Variants in CCDC7 observed in about 807,000 individuals in gnomAD.
CCDC7 encodes coiled-coil domain-containing protein 7.
Under a neutral mutation model 196.9 loss-of-function variants are expected in CCDC7, and 183 were observed. The observed-to-expected ratio is 0.93, with a 90% CI of 0.82 to 1.05. The LOEUF is 1.05. CCDC7 is among the 50% of genes least tolerant of loss of function. The pLI is 0.00. For synonymous variants in CCDC7, 525 were observed against 484.6 expected (o/e 1.08, Z -1.10); for missense variants, 1,540 against 1,482.2 (o/e 1.04, Z -0.64).
chr10:32,584,583 C>A (rs1397226240), intron 18 of CCDC7, among the ~76,000 whole-genome samples: 1 of 151,122 alleles, frequency 6.6e-6, no homozygotes, highest in Non-Finnish European at 1.5e-5. Flanking sequence ...TGATGAAACC[C>A]TGTCTCTATT....
At chr10:32,667,278 C>T (rs1287367112) in intron 21 of CCDC7, among the ~76,000 whole-genome samples, 1 of 152,138 alleles carries the variant, frequency 6.6e-6, no homozygotes, top group Admixed American at 6.6e-5. Context: ...AGCCCTTTGT[C>T]AGATGAGTAG....
At chr10:32,834,657 GT>G in intron 32 of CCDC7, among the ~76,000 whole-genome samples, 157 bp from the exon 34 acceptor site, 1 of 128,980 alleles carries the variant, frequency 7.8e-6, no homozygotes, top group South Asian at 3.1e-4. Context: ...CTGCAGTCCA[GT>G]GCTTTTTTTT....
chr10:32,765,917 C>T (rs967987263), intron 28 of CCDC7, among the ~76,000 whole-genome samples: 2 of 151,988 alleles, frequency 1.3e-5, no homozygotes, highest in Non-Finnish European at 1.5e-5. Flanking sequence ...TTTCTTTTAG[C>T]TGGAAAGTCT....
chr10:32,553,374 T>C (rs2053812126), intron 13 of CCDC7, among the ~76,000 whole-genome samples: 1 of 152,192 alleles, frequency 6.6e-6, no homozygotes, highest in Non-Finnish European at 1.5e-5. Context: ...CTTTCTCTGG[T>C]GCCTCCCTTA....
At position 32,709,687 on chromosome 10, in the gene CCDC7, C is replaced by T. The variant is rs539406909; in HGVS notation, c.2459-1933C>T. Among the ~76,000 whole-genome samples the T allele has an allele frequency of 9.1e-4, 138 of 152,146 alleles. 1 individual carries two copies. Among genetic ancestry groups the T allele is most frequent in the African/African-American group, 2.9e-3 (120 of 41,500 alleles). On this transcript the variant is annotated intron_variant, in intron 24 of 41. Coordinates refer to ENST00000639629, the Ensembl canonical transcript of CCDC7. The stretch of plus-strand genomic sequence containing the variant: ...ACTGCTCACCTACTGCTGTGTGACC[C>T]GGTTTCTAACAGGCCAGAGACCAGT...
At chr10:32,444,967 C>G (rs1415105442), upstream of CCDC7, among the ~76,000 whole-genome samples, 1 of 151,908 alleles carries the variant, frequency 6.6e-6, no homozygotes, top group Non-Finnish European at 1.5e-5. Flanking sequence ...GATTCTCCTG[C>G]CTCAGCCTCC....
intron 39 of CCDC7, among the ~76,000 whole-genome samples, chr10:32,850,378 G>T (rs1367394195): frequency 6.6e-6 from 1 of 152,140 alleles, no homozygotes; most frequent in African/African-American, 2.4e-5. Context: ...AACTAGCTAG[G>T]AGTCTTCAAG....
At chr10:32,575,941 A>AT (rs1225173774) in intron 16 of CCDC7, among the ~76,000 whole-genome samples, 1 of 152,164 alleles carries the variant, frequency 6.6e-6, no homozygotes. Context: ...CAACATCCTA[A>AT]TAAGTTCACA....
At chr10:32,852,342 T>C (rs960211529) in intron 40 of CCDC7, among the ~76,000 whole-genome samples, 2 of 152,156 alleles carry the variant, frequency 1.3e-5, no homozygotes, top group African/African-American at 4.8e-5. Context: ...GTTTAGTTTT[T>C]CCCTTCCCTT....
chr10:32,680,570 T>C (rs2141015321), intron 21 of CCDC7, among the ~76,000 whole-genome samples: 1 of 152,238 alleles, frequency 6.6e-6, no homozygotes, highest in African/African-American at 2.4e-5. Flanking sequence ...CCTAATGCTG[T>C]CCCTCCCCCG....
At chr10:32,705,678 G>A (rs567741680) in intron 24 of CCDC7, among the ~76,000 whole-genome samples, 3 of 152,086 alleles carry the variant, frequency 2.0e-5, no homozygotes, top group South Asian at 2.1e-4. Context: ...CCTAGTCTCT[G>A]TTAAAACAGA....
intron 11 of CCDC7, among the ~76,000 whole-genome samples, chr10:32,542,130 T>A (rs555980949): frequency 1.3e-5 from 2 of 152,322 alleles, no homozygotes; most frequent in African/African-American, 4.8e-5. Flanking sequence ...CGTCCTAAAA[T>A]TTTTAATAAT....
intron 9 of CCDC7, 92 bp from the exon 11 acceptor site, chr10:32,517,853 T>C: frequency 7.0e-7 from 1 of 1,434,728 alleles, no homozygotes; most frequent in East Asian, 2.6e-5. Flanking sequence ...AATTACTGAA[T>C]ACCAAAAGAA....
intron 18 of CCDC7, among the ~76,000 whole-genome samples, chr10:32,631,847 C>T (rs193229560): frequency 4.6e-5 from 7 of 152,022 alleles, no homozygotes; most frequent in African/African-American, 1.2e-4. Context: ...TTTTAGTATA[C>T]AGGACTTTAT....
chr10:32,675,143 TTC>T (rs1326354082), intron 21 of CCDC7, among the ~76,000 whole-genome samples: 8 of 152,118 alleles, frequency 5.3e-5, no homozygotes, highest in Admixed American at 5.2e-4. Context: ...TTATATTGTT[TTC>T]TCTCTGTTTT....
chr10:32,687,110 A>G (rs1049584980), intron 22 of CCDC7, among the ~76,000 whole-genome samples: 4 of 152,218 alleles, frequency 2.6e-5, no homozygotes, highest in Non-Finnish European at 5.9e-5. Context: ...AGGTCATATC[A>G]GTGTTCTAAG....
At chr10:32,671,135 C>T (rs550880368) in intron 21 of CCDC7, among the ~76,000 whole-genome samples, 2 of 152,264 alleles carry the variant, frequency 1.3e-5, no homozygotes, top group South Asian at 4.1e-4. Flanking sequence ...ATTAAGTCTA[C>T]AGTAGTGCAC....
chr10:32,490,968 G>T (rs902307288), intron 8 of CCDC7, among the ~76,000 whole-genome samples: 12 of 152,130 alleles, frequency 7.9e-5, no homozygotes, highest in Admixed American at 7.9e-4. Context: ...TCAAAGTAAA[G>T]CCTCTGTTTG....
chr10:32,695,721 G>A (rs1350408341), intron 24 of CCDC7, among the ~76,000 whole-genome samples: 1 of 152,168 alleles, frequency 6.6e-6, no homozygotes, highest in African/African-American at 2.4e-5. Flanking sequence ...GACATTAAAG[G>A]TGTAATGCAG....
Sources: allele counts gnomAD v4.1 joint callset (sites outside exome capture counted in the v4.1 genomes callset), GRCh38; gene constraint gnomAD v4.1.1; transcripts MANE v1.5; gene names NCBI Gene and HGNC (gene_info 2026-07-23, HGNC 2026-07-21).